CASC3: variants seen among roughly 807,000 people sequenced by gnomAD.
The protein encoded by CASC3 is protein CASC3.
CASC3 carries 30 observed loss-of-function variants against 80.5 expected under a neutral mutation model. That is an observed-to-expected ratio of 0.37 (90% CI 0.28 to 0.51). The LOEUF is 0.51. CASC3 is among the 20% of genes least tolerant of loss of function. The pLI is 0.94. For missense variants in CASC3, 824 were observed against 922.2 expected, an observed-to-expected ratio of 0.89 and a Z score of 1.38; for synonymous variants, 312 against 333.6, an observed-to-expected ratio of 0.94 and a Z score of 0.70.
Position 40,140,672 on chromosome 17 carries a change from GGCGGCGGCA to G in CASC3, c.130_138del (p.Gly44_Gly46del), listed in dbSNP as rs779362937. On this transcript the variant is annotated inframe_deletion, in exon 1 of 14. Coordinates refer to ENST00000264645, the MANE Select transcript of CASC3 (RefSeq NM_007359.5). ...CGGGAGCTGCAGCGGTAGCGCCGGA[GGCGGCGGCA>G]GCGGCTCTCTGCCTTCACAGCGCGG... The G allele has an allele frequency of 1.6e-4, 252 of 1,603,046 alleles. 1 individual carries two copies. The highest frequency in any genetic ancestry group is 2.0e-4 in the Non-Finnish European group (237 of 1,176,170).
chr17:40,141,216 G>A lies in CASC3; in HGVS notation c.241G>A (p.Asp81Asn). 1 of 1,614,006 alleles carries A rather than the reference G, an allele frequency of 6.2e-7. No homozygotes were observed. Among genetic ancestry groups the A allele is most frequent in the South Asian group, 1.1e-5 (1 of 91,078 alleles). ...SAEESECESE[D>N]GIEGDAVLSD... is the part of the protein sequence containing the mutation. ...TTCTGCTTTCTTTCAGGAGAGTGAAGATGGCATTGAAGGTGATGGTGAGTA... is the reference window on the plus strand; with the variant it reads ...TTCTGCTTTCTTTCAGGAGAGTGAAAATGGCATTGAAGGTGATGGTGAGTA... The change falls in exon 2 of 14, where the codon GAT becomes AAT. Residue 81 changes from aspartate (D) to asparagine (N), a missense_variant. Around this residue, in one of 3 missense-constraint regions of CASC3, gnomAD observed 159 missense variants for 122.2 expected, o/e 1.30. Coordinates refer to ENST00000264645, the MANE Select transcript of CASC3 (RefSeq NM_007359.5).
chr17:40,141,268 G>GTTTTTTTTAACA (rs1555549052), intron 2 of CASC3, 34 bp downstream of exon 2: 1 of 1,594,930 alleles, frequency 6.3e-7, no homozygotes, highest in South Asian at 1.1e-5. Context: ...TAGGACAAGA[G>GTTTTTTTTAACA]TTTTTTTTAA....
intron 3 of CASC3, among the ~76,000 whole-genome samples, chr17:40,144,658 CTTTT>C (rs939136950): frequency 8.4e-6 from 1 of 119,132 alleles, no homozygotes. Context: ...GCCCAGCCCT[CTTTT>C]TTTTTTTTTT....
chr17:40,145,492 A>T (rs973525520), intron 3 of CASC3, among the ~76,000 whole-genome samples: 15 of 152,024 alleles, frequency 9.9e-5, no homozygotes, highest in African/African-American at 3.1e-4. Context: ...TTAAAAAGAG[A>T]AAAAGCCCAG....
chr17:40,145,861 C>A (rs1347595441), intron 3 of CASC3, among the ~76,000 whole-genome samples: 1 of 151,864 alleles, frequency 6.6e-6, no homozygotes, highest in Non-Finnish European at 1.5e-5. Context: ...GAACTCCTGA[C>A]CTCAAGTGAT....
At chr17:40,167,466 T>G in intron 8 of CASC3, 32 bp from the exon 9 acceptor site, 1 of 1,509,748 alleles carries the variant, frequency 6.6e-7, no homozygotes, top group Admixed American at 1.7e-5. Context: ...CCTCTAGAAT[T>G]CTTATTGTTT....
chr17:40,163,866 G>GCAC lies in CASC3; in HGVS notation c.1179_1181dup (p.Pro395dup), dbSNP rs772413997. 3.1e-6 allele frequency: 5 copies of GCAC among 1,614,072 alleles called. No homozygotes were observed. The African/African-American group carries it at 6.7e-5, about 22-fold the overall frequency. On this transcript the variant is annotated inframe_insertion, in exon 7 of 14. Coordinates refer to ENST00000264645, the MANE Select transcript of CASC3 (RefSeq NM_007359.5). ...GCCACCAGCTGCTGCTCCTGATGCT[G>GCAC]CACCACCACCCCCTGATAGGCCCAT...
At chr17:40,162,284 T>C in intron 5 of CASC3, 131 bp downstream of exon 5, 1 of 1,006,404 alleles carries the variant, frequency 9.9e-7, no homozygotes, top group Non-Finnish European at 1.4e-6. Context: ...ATCGTACAAA[T>C]GAGGAAAGTA....
At chr17:40,160,562 G>A (rs1255707102) in intron 3 of CASC3, among the ~76,000 whole-genome samples, 1 of 151,726 alleles carries the variant, frequency 6.6e-6, no homozygotes, top group Non-Finnish European at 1.5e-5. Flanking sequence ...CCTCTTATAT[G>A]TTAGGTATCG....
chr17:40,144,120 G>A (rs779312517), intron 3 of CASC3, among the ~76,000 whole-genome samples: 1 of 151,262 alleles, frequency 6.6e-6, no homozygotes, highest in East Asian at 2.0e-4. Flanking sequence ...TTAAGTAGGC[G>A]TGGTGGCAGG....
rs1222014262 is a variant in CASC3 at position 40,169,413 on chromosome 17, C to T, written c.2055C>T (p.Pro685=). 6.2e-7 allele frequency: 1 copy of T among 1,612,168 alleles called. No individual in the cohort carries two copies. The highest frequency in any genetic ancestry group is 1.3e-5 in the African/African-American group (1 of 74,786). The stretch of plus-strand genomic sequence containing the variant: ...AGCCCTCCCCACCCCGGAGGACTCC[C>T]CAGCCAGTCACCATCAAGCCCCCTC... The part of the protein sequence containing the change: ...QPKPSPPRRT[P]QPVTIKPPPP... Residue 685 remains proline (P), a synonymous_variant, in exon 12 of 14, where the codon CCC becomes CCT. Coordinates refer to ENST00000264645, the MANE Select transcript of CASC3 (RefSeq NM_007359.5).
chr17:40,142,340 C>T (rs531474077), intron 3 of CASC3, among the ~76,000 whole-genome samples: 42 of 152,352 alleles, frequency 2.8e-4, no homozygotes, highest in African/African-American at 9.9e-4. Flanking sequence ...AATTGTACCA[C>T]TTGCTGATAG....
rs1369464077 is a variant in CASC3 at position 40,163,607 on chromosome 17, C to T, written c.912C>T (p.Thr304=). The T allele has an allele frequency of 1.1e-5, 17 of 1,614,140 alleles. 1 individual carries two copies. The East Asian group carries it at 1.3e-4, about 13-fold the overall frequency. The part of the protein sequence containing the change: ...RTFINRNAAG[T]GRMSAPRNYS... The stretch of plus-strand genomic sequence containing the variant: ...TTATTAACAGGAATGCTGCAGGTAC[C>T]GGCCGTATGTCTGCACCCAGGAATT... The change falls in exon 7 of 14, where the codon ACC becomes ACT. Residue 304 remains threonine (T), a synonymous_variant. Transcript: ENST00000264645.
chr17:40,154,668 C>G (rs1258162008), intron 3 of CASC3, among the ~76,000 whole-genome samples: 1 of 151,880 alleles, frequency 6.6e-6, no homozygotes, highest in Non-Finnish European at 1.5e-5. Context: ...AGTGTTCTTT[C>G]AAGGACAAAG....
At chr17:40,151,714 A>G (rs76157839) in intron 3 of CASC3, among the ~76,000 whole-genome samples, 1 of 150,574 alleles carries the variant, frequency 6.6e-6, no homozygotes, top group Admixed American at 6.6e-5. Flanking sequence ...AAAAAAAAAA[A>G]GGAAGGAAGA....
At chr17:40,143,823 C>T (rs1180817988) in intron 3 of CASC3, among the ~76,000 whole-genome samples, 1 of 149,994 alleles carries the variant, frequency 6.7e-6, no homozygotes, top group Non-Finnish European at 1.5e-5. Context: ...GGCAAGACTC[C>T]ATCTCAAAAA....
At chr17:40,145,996 C>T (rs1024096129) in intron 3 of CASC3, among the ~76,000 whole-genome samples, 12 of 152,054 alleles carry the variant, frequency 7.9e-5, no homozygotes, top group African/African-American at 2.9e-4. Context: ...ATCCAATTAG[C>T]CATTCTCTAC....
At position 40,171,537 on chromosome 17, in the gene CASC3, G is replaced by A. The variant is rs1482633403; in HGVS notation, c.*1132G>A. 4.0e-6 allele frequency: 4 copies of A among 988,452 alleles called. No homozygotes were observed. Among genetic ancestry groups the A allele is most frequent in the Non-Finnish European group, 4.8e-6 (4 of 831,590 alleles). 61.2% of individuals were successfully genotyped at this position (988,452 alleles called of 1,614,324 possible). A position where few individuals can be genotyped will look rare whatever the true frequency, so the allele number is the denominator to read the frequency against. Reference sequence around the variant, plus strand: ...TAGATGTTACTACCTTATTTTCCCCGAATTCTATTTTTGTCCTTGCAGACA... The same window carrying A: ...TAGATGTTACTACCTTATTTTCCCCAAATTCTATTTTTGTCCTTGCAGACA... On this transcript the variant is annotated 3_prime_UTR_variant, in exon 14 of 14. Transcript: ENST00000264645.
chr17:40,141,715 G>A, intron 3 of CASC3, 108 bp downstream of exon 3: 1 of 853,950 alleles, frequency 1.2e-6, no homozygotes, highest in Admixed American at 2.1e-5. Context: ...ATCCTCTTGT[G>A]TATTCTTCAT....
Sources: allele counts gnomAD v4.1 joint callset (sites outside exome capture counted in the v4.1 genomes callset), GRCh38; gene constraint gnomAD v4.1.1; regional missense constraint gnomAD v4.1.1; transcripts MANE v1.5; gene names NCBI Gene and HGNC (gene_info 2026-07-23, HGNC 2026-07-21).